KAZN: variants seen among roughly 807,000 people sequenced by gnomAD.
KAZN encodes kazrin.
Under a neutral mutation model 87.4 loss-of-function variants are expected in KAZN, and 40 were observed. That is an observed-to-expected ratio of 0.46 (90% CI 0.36 to 0.60). The LOEUF is 0.60. KAZN is among the 20% of genes least tolerant of loss of function. The pLI is 0.00. For missense variants in KAZN, 898 were observed against 1,073.9 expected, an observed-to-expected ratio of 0.84 and a Z score of 2.29; for synonymous variants, 466 against 458.3, an observed-to-expected ratio of 1.02 and a Z score of -0.22.
At chr1:15,087,155 A>T (rs183330059) in intron 8 of KAZN, among the ~76,000 whole-genome samples, 1 of 152,318 alleles carries the variant, frequency 6.6e-6, no homozygotes, top group Admixed American at 6.5e-5. Context: ...TTCCATCCAG[A>T]CCAGCTCTGT....
intron 1 of KAZN, among the ~76,000 whole-genome samples, chr1:14,124,518 A>T (rs1644820253): frequency 6.6e-6 from 1 of 152,236 alleles, no homozygotes; most frequent in South Asian, 2.1e-4. Context: ...ATGTCACATC[A>T]GTTATCACCA....
intron 10 of KAZN, among the ~76,000 whole-genome samples, chr1:15,095,502 A>C (rs28545049): frequency 2.3e-5 from 3 of 130,638 alleles, no homozygotes; most frequent in African/African-American, 8.8e-5. Flanking sequence ...CGCTCATACC[A>C]CTCCTGCTCT....
intron 2 of KAZN, among the ~76,000 whole-genome samples, chr1:14,427,077 A>G (rs529899539): frequency 2.0e-5 from 3 of 152,298 alleles, no homozygotes; most frequent in African/African-American, 7.2e-5. Flanking sequence ...AAAATTGTTT[A>G]CTTTCCAGAG....
intron 1 of KAZN, among the ~76,000 whole-genome samples, chr1:14,083,048 C>T (rs140023409): frequency 5.3e-5 from 8 of 152,196 alleles, no homozygotes; most frequent in Admixed American, 2.6e-4. Context: ...AAAAATTAGC[C>T]GGGTGTGGTG....
intron 1 of KAZN, among the ~76,000 whole-genome samples, chr1:13,985,641 CA>C (rs901326097): frequency 5.0e-4 from 72 of 144,172 alleles, no homozygotes; most frequent in East Asian, 1.4e-3. Context: ...ATCATCCCTC[CA>C]AAAAAAAAAC....
At chr1:14,035,996 TGAGA>T (rs1317285680) in intron 1 of KAZN, among the ~76,000 whole-genome samples, 1 of 152,130 alleles carries the variant, frequency 6.6e-6, no homozygotes, top group East Asian at 1.9e-4. Context: ...TCTTAGGAAA[TGAGA>T]GAGTCTGAAA....
At chr1:14,131,380 C>T (rs540362165) in intron 1 of KAZN, among the ~76,000 whole-genome samples, 1 of 152,238 alleles carries the variant, frequency 6.6e-6, no homozygotes, top group East Asian at 1.9e-4. Flanking sequence ...GGTGTTGAAT[C>T]AATTTATTCA....
chr1:15,020,263 G>C (rs1487901962), intron 2 of KAZN, among the ~76,000 whole-genome samples: 1 of 152,174 alleles, frequency 6.6e-6, no homozygotes, highest in African/African-American at 2.4e-5. Context: ...GGTGGATGCT[G>C]TTTCTAAAAG....
At chr1:13,997,312 C>T (rs888103300) in intron 1 of KAZN, among the ~76,000 whole-genome samples, 6 of 152,036 alleles carry the variant, frequency 3.9e-5, no homozygotes, top group Non-Finnish European at 8.8e-5. Context: ...CAGAGTGCCT[C>T]CTTTCCTCCA....
At chr1:15,013,131 A>G (rs7548096) in intron 2 of KAZN, among the ~76,000 whole-genome samples, 130,570 of 152,126 alleles carry the variant, frequency 0.86, 56,095 homozygotes, top group East Asian at 0.93. Context: ...ATTTGCAATA[A>G]GGCCTCCCTC....
intron 2 of KAZN, among the ~76,000 whole-genome samples, chr1:14,386,915 A>T (rs545982576): frequency 6.6e-6 from 1 of 152,276 alleles, no homozygotes; most frequent in Non-Finnish European, 1.5e-5. Context: ...GTGTTTTCCA[A>T]CTTGGTTCCA....
At chr1:14,466,111 G>A (rs746713911) in intron 2 of KAZN, among the ~76,000 whole-genome samples, 1 of 152,126 alleles carries the variant, frequency 6.6e-6, no homozygotes, top group African/African-American at 2.4e-5. Context: ...GCTCCATGGT[G>A]TCACCTAACA....
chr1:14,428,693 G>A (rs138547140), intron 2 of KAZN, among the ~76,000 whole-genome samples: 1,546 of 152,170 alleles, frequency 0.01, 29 homozygotes, highest in African/African-American at 0.036. Context: ...TTCACAGAGC[G>A]GCAGGAGAGA....
intron 2 of KAZN, among the ~76,000 whole-genome samples, chr1:14,491,530 G>A (rs1291216489): frequency 6.6e-6 from 1 of 152,054 alleles, no homozygotes; most frequent in Non-Finnish European, 1.5e-5. Flanking sequence ...TATTACCAGG[G>A]ACACTTGGAT....
At chr1:14,397,861 C>CAAA (rs761120479) in intron 2 of KAZN, among the ~76,000 whole-genome samples, 491 of 40,610 alleles carry the variant, frequency 0.012, 6 homozygotes, top group South Asian at 0.033. Flanking sequence ...AACTCCATCT[C>CAAA]AAAAAAAAAA....
chr1:14,868,520 C>T (rs536219911), intron 1 of KAZN, among the ~76,000 whole-genome samples: 2 of 152,222 alleles, frequency 1.3e-5, no homozygotes, highest in East Asian at 3.9e-4. Flanking sequence ...TTAACCACTT[C>T]CCCGTGGGCC....
At chr1:14,300,268 A>AT (rs34475873) in intron 2 of KAZN, among the ~76,000 whole-genome samples, 118,405 of 150,966 alleles carry the variant, frequency 0.78, 47,369 homozygotes, top group Non-Finnish European at 0.88. Context: ...GAATTTATTT[A>AT]TTTTTTTTTA....
intron 1 of KAZN, among the ~76,000 whole-genome samples, chr1:13,953,064 TAGAAGCAAC>T (rs1641413212): frequency 6.6e-6 from 1 of 152,108 alleles, no homozygotes; most frequent in Non-Finnish European, 1.5e-5. Context: ...GGTATTCAAG[TAGAAGCAAC>T]AGAACAGGCT....
intron 2 of KAZN, among the ~76,000 whole-genome samples, chr1:14,527,275 G>T (rs533274563): frequency 6.6e-5 from 10 of 152,310 alleles, no homozygotes; most frequent in African/African-American, 2.4e-4. Flanking sequence ...GTTTAGCCGG[G>T]CGCTGTGGCT....
Sources: gnomAD v4.1 joint callset for allele counts (sites outside exome capture counted in the v4.1 genomes callset) on GRCh38, gnomAD v4.1.1 for gene constraint, MANE v1.5 for transcripts, NCBI Gene and HGNC (gene_info 2026-07-23, HGNC 2026-07-21) for gene names.